The following GNA14 variants were observed in gnomAD, a reference collection of about 807,000 sequenced individuals.
GNA14 encodes the protein guanine nucleotide-binding protein subunit alpha-14.
Under a neutral mutation model 42.0 loss-of-function variants are expected in GNA14, and 50 were observed. That is an observed-to-expected ratio of 1.19 (90% CI 0.95 to 1.51). The LOEUF (loss-of-function observed/expected upper bound fraction) is 1.51, where lower values mean the gene tolerates loss of function less well. Ranked by LOEUF, GNA14 falls within the 40% of genes most tolerant of loss-of-function variation. The pLI, the probability that GNA14 is intolerant of heterozygous loss-of-function variation, is 0.00. For synonymous variants in GNA14, 173 were observed against 163.1 expected, an observed-to-expected ratio of 1.06 and a Z score of -0.46; for missense variants, 473 against 446.2, an observed-to-expected ratio of 1.06 and a Z score of -0.54.
At chr9:77,437,350 GCATGTCCAA>G in intron 2 of GNA14, among the ~76,000 whole-genome samples, 1 of 152,316 alleles carries the variant, frequency 6.6e-6, no homozygotes, top group African/African-American at 2.4e-5. Flanking sequence ...TTTAAGACCA[GCATGTCCAA>G]CATGGTGAAA....
chr9:77,642,884 T>C lies in GNA14; in HGVS notation c.124+4786A>G, dbSNP rs111338613. On this transcript the variant is annotated intron_variant, in intron 1 of 6. Coordinates refer to ENST00000341700, the MANE Select transcript of GNA14 (RefSeq NM_004297.4). The stretch of plus-strand genomic sequence containing the variant: ...ACACCATTTACTGTCCTCAGAAATT[T>C]CCCTAGATGGTGAGGAGAGTTTGTG... Among the ~76,000 whole-genome samples, 1,276 of 152,288 alleles carry C rather than the reference T, an allele frequency of 8.4e-3. 28 individuals are homozygous for C. Among genetic ancestry groups the C allele is most frequent in the African/African-American group, 0.029 (1,225 of 41,548 alleles).
intron 1 of GNA14, among the ~76,000 whole-genome samples, chr9:77,560,021 T>C (rs935611779): frequency 3.9e-5 from 6 of 152,190 alleles, no homozygotes; most frequent in African/African-American, 7.2e-5. Flanking sequence ...GAGAATTACC[T>C]AGCGAGCTTT....
At chr9:77,586,244 A>G (rs1823299648) in intron 1 of GNA14, among the ~76,000 whole-genome samples, 1 of 152,192 alleles carries the variant, frequency 6.6e-6, no homozygotes, top group Non-Finnish European at 1.5e-5. Flanking sequence ...CTAGCATCCA[A>G]AATATATAAA....
At chr9:77,518,741 T>C (rs759848918) in intron 2 of GNA14, among the ~76,000 whole-genome samples, 3 of 152,186 alleles carry the variant, frequency 2.0e-5, no homozygotes, top group African/African-American at 4.8e-5. Flanking sequence ...CTTTAATGAA[T>C]TGTGTACCCA....
chr9:77,493,560 C>G (rs776964763), intron 2 of GNA14, among the ~76,000 whole-genome samples: 3 of 152,142 alleles, frequency 2.0e-5, no homozygotes, highest in Non-Finnish European at 4.4e-5. Context: ...GTTACCCACT[C>G]CCCTCACAAT....
chr9:77,508,843 G>A (rs1412340553), intron 2 of GNA14, among the ~76,000 whole-genome samples: 2 of 152,096 alleles, frequency 1.3e-5, no homozygotes, highest in African/African-American at 4.8e-5. Flanking sequence ...AGCTTGAAGG[G>A]GCTCCTATTG....
At chr9:77,494,393 A>G (rs1258995484) in intron 2 of GNA14, among the ~76,000 whole-genome samples, 1 of 152,164 alleles carries the variant, frequency 6.6e-6, no homozygotes, top group East Asian at 1.9e-4. Context: ...ACTTTCTCAA[A>G]TATTATTGAA....
intron 5 of GNA14, among the ~76,000 whole-genome samples, chr9:77,426,983 C>A (rs181820979): frequency 6.6e-6 from 1 of 152,062 alleles, no homozygotes; most frequent in Non-Finnish European, 1.5e-5. Flanking sequence ...GGGGGAATTA[C>A]GATCTGGAAT....
chr9:77,465,015 G>T (rs1836196919), intron 2 of GNA14, among the ~76,000 whole-genome samples: 1 of 152,216 alleles, frequency 6.6e-6, no homozygotes, highest in Non-Finnish European at 1.5e-5. Flanking sequence ...TTGAAAGAGG[G>T]AGGGAAGAAG....
At chr9:77,534,658 G>A (rs887136467) in intron 1 of GNA14, among the ~76,000 whole-genome samples, 2 of 152,198 alleles carry the variant, frequency 1.3e-5, no homozygotes, top group African/African-American at 2.4e-5. Context: ...ACACAGTTCT[G>A]GATGTTGCTC....
chr9:77,640,628 C>G (rs1157630153), intron 1 of GNA14, among the ~76,000 whole-genome samples: 3 of 152,092 alleles, frequency 2.0e-5, no homozygotes, highest in Admixed American at 2.0e-4. Flanking sequence ...AAAATTTCAT[C>G]CTCTAATGAC....
chr9:77,623,216 CAAAAAAAAAAAAAAAAAAAAA>C (rs34368561), intron 1 of GNA14, among the ~76,000 whole-genome samples: 542 of 26,860 alleles, frequency 0.02, 6 homozygotes, highest in African/African-American at 0.03. Flanking sequence ...GACGCTGTCT[CAAAAAAAAAAAAAAAAAAAAA>C]AAAAAAAAAA....
chr9:77,488,811 A>G (rs1836705276), intron 2 of GNA14, among the ~76,000 whole-genome samples: 1 of 128,718 alleles, frequency 7.8e-6, no homozygotes, highest in Non-Finnish European at 1.7e-5. Context: ...AAAAAAAAAC[A>G]GAACAAGCCA....
At chr9:77,635,817 G>A (rs1824176254) in intron 1 of GNA14, among the ~76,000 whole-genome samples, 1 of 152,060 alleles carries the variant, frequency 6.6e-6, no homozygotes, top group Admixed American at 6.6e-5. Flanking sequence ...TAATCACCTG[G>A]CCCCGTGACA....
intron 5 of GNA14, among the ~76,000 whole-genome samples, chr9:77,426,580 A>G (rs1285667972): frequency 1.3e-5 from 2 of 152,212 alleles, no homozygotes; most frequent in Non-Finnish European, 2.9e-5. Flanking sequence ...CTGGGATTAC[A>G]GGCATGAGCC....
At chr9:77,540,463 G>A (rs1157010148) in intron 1 of GNA14, among the ~76,000 whole-genome samples, 5 of 152,074 alleles carry the variant, frequency 3.3e-5, no homozygotes, top group African/African-American at 9.7e-5. Context: ...TGGATAAAAT[G>A]TTTTCTAAAT....
chr9:77,486,825 C>T (rs1441526395), intron 2 of GNA14, among the ~76,000 whole-genome samples: 1 of 151,812 alleles, frequency 6.6e-6, no homozygotes, highest in African/African-American at 2.4e-5. Context: ...TGTGGTGCCC[C>T]CAAATAATTA....
intron 2 of GNA14, among the ~76,000 whole-genome samples, chr9:77,481,206 AC>A: frequency 6.6e-6 from 1 of 151,880 alleles, no homozygotes; most frequent in Admixed American, 6.6e-5. Context: ...ATTTCCCTCT[AC>A]TCACTGCTTT....
intron 1 of GNA14, among the ~76,000 whole-genome samples, chr9:77,609,190 T>C (rs1255390543): frequency 2.0e-5 from 3 of 152,168 alleles, no homozygotes; most frequent in Non-Finnish European, 2.9e-5. Context: ...AATATCAACT[T>C]CACTGCCTGC....
Sources: allele counts gnomAD v4.1 joint callset (sites outside exome capture counted in the v4.1 genomes callset), GRCh38; gene constraint gnomAD v4.1.1; transcripts MANE v1.5; gene names NCBI Gene and HGNC (gene_info 2026-07-23, HGNC 2026-07-21).